Variants in GMEB2 observed in about 807,000 individuals in gnomAD.
GMEB2 encodes the protein glucocorticoid modulatory element-binding protein 2.
A neutral mutation model predicts 45.7 loss-of-function variants in GMEB2; 7 were observed. The observed-to-expected ratio is 0.15, with a 90% CI of 0.09 to 0.29. The LOEUF (loss-of-function observed/expected upper bound fraction) is 0.29, where lower values mean the gene tolerates loss of function less well. GMEB2 is among the 10% of genes least tolerant of loss of function. The pLI, the probability that GMEB2 is intolerant of heterozygous loss-of-function variation, is 1.00. For synonymous variants in GMEB2, 322 were observed against 323.6 expected (o/e 1.00, Z 0.05); for missense variants, 582 against 739.2 (o/e 0.79, Z 2.47).
chr20:63,620,083 G>T (rs1347462509), intron 1 of GMEB2, among the ~76,000 whole-genome samples: 2 of 152,212 alleles, frequency 1.3e-5, no homozygotes, highest in Non-Finnish European at 2.9e-5. Flanking sequence ...CAATTGCTGG[G>T]ATTACAGGTT....
chr20:63,604,648 T>C (rs968540043), intron 3 of GMEB2, 95 bp downstream of exon 3: 4 of 793,574 alleles, frequency 5.0e-6, no homozygotes, highest in African/African-American at 3.4e-5. Context: ...AACAAAGACC[T>C]TGTATATCTC....
At chr20:63,623,744 G>A (rs2089653285) in intron 1 of GMEB2, among the ~76,000 whole-genome samples, 1 of 151,836 alleles carries the variant, frequency 6.6e-6, no homozygotes, top group South Asian at 2.1e-4. Flanking sequence ...GTTGCAGTGA[G>A]CCAAGATCAT....
intron 2 of GMEB2, among the ~76,000 whole-genome samples, chr20:63,607,273 A>C (rs28523691): frequency 0.023 from 1,740 of 76,578 alleles, no homozygotes; most frequent in African/African-American, 0.043. Flanking sequence ...CTGACCCCAC[A>C]TCCATTTCTA....
rs185749785 is a variant in GMEB2 at position 63,593,997 on chromosome 20, G to A, written c.620-915C>T. Among the ~76,000 whole-genome samples, 94 of 152,376 alleles carry A rather than the reference G, an allele frequency of 6.2e-4. No individual in the cohort carries two copies. Among genetic ancestry groups the A allele is most frequent in the African/African-American group, 2.1e-3 (88 of 41,586 alleles). On this transcript the variant is annotated intron_variant, in intron 6 of 9. Transcript: ENST00000370077. This position sits in a 1 kb window ranked among gnomAD's most constrained non-coding sequence, Gnocchi z 4.7. ...ATCAGGCCCCTGCACTCCAGCCTGG[G>A]CGACAGAGCAGGACTCCTTCTCCAA...
chr20:63,606,493 G>A (rs1218337924), intron 2 of GMEB2, among the ~76,000 whole-genome samples: 1 of 151,970 alleles, frequency 6.6e-6, no homozygotes, highest in African/African-American at 2.4e-5. Context: ...GACTACAGGC[G>A]CCCGCCACCA....
Position 63,590,129 on chromosome 20 carries a change from A to T in GMEB2, c.1553T>A (p.Ile518Asn), listed in dbSNP as rs1192988521. The T allele has an allele frequency of 6.5e-7, 1 of 1,536,346 alleles. No individual in the cohort carries two copies. Among genetic ancestry groups the T allele is most frequent in the Admixed American group, 2.0e-5 (1 of 50,746 alleles). The change falls in exon 10 of 10, where the codon ATT (isoleucine) becomes AAT (asparagine). Residue 518 changes from isoleucine (I) to asparagine (N), a missense_variant. Around this residue, in one of 3 missense-constraint regions of GMEB2, gnomAD observed 462 missense variants for 586.7 expected, o/e 0.79. Coordinates refer to ENST00000370077, the MANE Select transcript of GMEB2 (RefSeq NM_012384.5). ...GTCCTCTGCCATGGCAGCCACCTCA[A>T]TGGTGGCCGTGTGCTCCTCAGGCCC... ...APGPEEHTAT[I>N]EVAAMAEDHE...
At chr20:63,618,895 G>A (rs759383702) in intron 2 of GMEB2, among the ~76,000 whole-genome samples, 1 of 152,158 alleles carries the variant, frequency 6.6e-6, no homozygotes, top group Non-Finnish European at 1.5e-5. Flanking sequence ...CAGAGATGAG[G>A]AAGAAAACAC....
chr20:63,607,102 C>G (rs1298653372), intron 2 of GMEB2, among the ~76,000 whole-genome samples: 1 of 150,554 alleles, frequency 6.6e-6, no homozygotes, highest in African/African-American at 2.4e-5. Context: ...CCCTCTAACC[C>G]ACCTCCATTT....
intron 2 of GMEB2, among the ~76,000 whole-genome samples, chr20:63,612,306 G>A (rs992650526): frequency 6.6e-6 from 1 of 152,198 alleles, no homozygotes; most frequent in Admixed American, 6.5e-5. Context: ...TCAGTGAGGT[G>A]CCTTCGAACA....
At chr20:63,611,881 C>T (rs956747765) in intron 2 of GMEB2, among the ~76,000 whole-genome samples, 4 of 151,906 alleles carry the variant, frequency 2.6e-5, no homozygotes, top group Non-Finnish European at 5.9e-5. Context: ...CCTGCAGTCC[C>T]AGCACTGTAC....
Position 63,592,148 on chromosome 20 carries a change from A to G in GMEB2, c.830-4T>C. 6.2e-7 allele frequency: 1 copy of G among 1,612,772 alleles called. No individual in the cohort carries two copies. Reference sequence around the variant, plus strand: ...ATGTTGTTGAGAAGTACAGCATCTTAAAGGGTAACGCGGACACTCAGTGAG... The same window carrying G: ...ATGTTGTTGAGAAGTACAGCATCTTGAAGGGTAACGCGGACACTCAGTGAG... On this transcript the variant is annotated splice_region_variant and splice_polypyrimidine_tract_variant and intron_variant, in intron 8 of 9. Transcript: ENST00000370077. This position sits in a 1 kb window ranked among gnomAD's most constrained non-coding sequence, Gnocchi z 8.2.
At chr20:63,616,400 T>C (rs2089608649) in intron 2 of GMEB2, among the ~76,000 whole-genome samples, 1 of 152,112 alleles carries the variant, frequency 6.6e-6, no homozygotes. Context: ...GCCGAGATCA[T>C]GCCACTGCAC....
intron 1 of GMEB2, among the ~76,000 whole-genome samples, chr20:63,624,829 T>A (rs1389410910): frequency 6.6e-6 from 1 of 152,068 alleles, no homozygotes; most frequent in Non-Finnish European, 1.5e-5. Flanking sequence ...TGCCTCAGCC[T>A]CCTGAGTAGC....
Position 63,592,206 on chromosome 20 carries a change from G to A in GMEB2, c.830-62C>T, listed in dbSNP as rs541889332. ...GCCCTTCCTAGAGAGCCACGCGGAC[G>A]CTCGGTGAGAGCCCGGGACCTTCCT... is the stretch of plus-strand genomic sequence containing the variant. On this transcript the variant is annotated intron_variant, in intron 8 of 9. Coordinates refer to ENST00000370077, the MANE Select transcript of GMEB2 (RefSeq NM_012384.5). The surrounding 1 kb of genome is among the most constrained non-coding windows in gnomAD (Gnocchi z 8.2). 15 of 1,528,806 alleles carry A rather than the reference G, an allele frequency of 9.8e-6. No homozygotes were observed. In the East Asian group the frequency reaches 1.1e-4, roughly 12 times the overall value. 94.7% of individuals were successfully genotyped at this position (1,528,806 alleles called of 1,614,324 possible).
At chr20:63,596,009 C>T (rs984851747) in intron 5 of GMEB2, among the ~76,000 whole-genome samples, 2 of 152,336 alleles carry the variant, frequency 1.3e-5, no homozygotes, top group Middle Eastern at 3.4e-3. Flanking sequence ...AGGGGGCAAG[C>T]GCTGGCCAGT....
At chr20:63,624,777 G>A (rs537372542) in intron 1 of GMEB2, among the ~76,000 whole-genome samples, 67 of 152,282 alleles carry the variant, frequency 4.4e-4, no homozygotes, top group African/African-American at 1.5e-3. Flanking sequence ...GCCCGATCTC[G>A]GCTCAATGCA....
intron 9 of GMEB2, 107 bp downstream of exon 9, chr20:63,591,915 G>A (rs2236501): frequency 0.071 from 66,717 of 938,574 alleles, 6,867 homozygotes; most frequent in East Asian, 0.3. Flanking sequence ...CCGTGGTGGC[G>A]GTGACTCCAG....
intron 4 of GMEB2, among the ~76,000 whole-genome samples, chr20:63,600,320 C>T (rs2083232632): frequency 6.7e-6 from 1 of 149,898 alleles, no homozygotes; most frequent in Non-Finnish European, 1.5e-5. Flanking sequence ...GCTGGGATTA[C>T]AGGCGTGAGT....
intron 2 of GMEB2, among the ~76,000 whole-genome samples, chr20:63,608,959 C>T (rs35709782): frequency 0.032 from 786 of 24,936 alleles, 352 homozygotes; most frequent in Non-Finnish European, 0.12. Flanking sequence ...TAGAAACATG[C>T]CCCTCTGACT....
Sources: gnomAD v4.1 joint callset for allele counts (sites outside exome capture counted in the v4.1 genomes callset) on GRCh38, gnomAD v4.1.1 for gene constraint, gnomAD v4.1.1 regional missense constraint, Gnocchi (gnomAD v3.1) non-coding constraint, MANE v1.5 for transcripts, NCBI Gene and HGNC (gene_info 2026-07-23, HGNC 2026-07-21) for gene names.